The following PLEKHA2 variants were observed in gnomAD, a reference collection of about 807,000 sequenced individuals.
The protein encoded by PLEKHA2 is pleckstrin homology domain containing A2, also known as pleckstrin homology domain-containing family A member 2.
In PLEKHA2, 28 loss-of-function variants were observed where a neutral mutation model predicts 53.2. That is an observed-to-expected ratio of 0.53 (90% CI 0.39 to 0.72). The LOEUF is 0.72. Among genes scored for constraint, PLEKHA2 ranks in the 30% least tolerant of loss-of-function variants. The pLI, the probability that PLEKHA2 is intolerant of heterozygous loss-of-function variation, is 0.00. For missense variants in PLEKHA2, 426 were observed against 537.9 expected (o/e 0.79, Z 2.06); for synonymous variants, 193 against 196.4 (o/e 0.98, Z 0.14).
chr8:38,967,803 G>A (rs936008218), intron 10 of PLEKHA2, among the ~76,000 whole-genome samples: 2 of 151,580 alleles, frequency 1.3e-5, no homozygotes, highest in Admixed American at 6.6e-5. Flanking sequence ...CTGGGACTAC[G>A]GGCGCACGCC....
At chr8:38,924,464 A>T (rs1285277823) in intron 2 of PLEKHA2, among the ~76,000 whole-genome samples, 1 of 152,188 alleles carries the variant, frequency 6.6e-6, no homozygotes, top group Non-Finnish European at 1.5e-5. Context: ...GAGGCCAGAC[A>T]AGGGTGTGAA....
intron 1 of PLEKHA2, among the ~76,000 whole-genome samples, chr8:38,904,256 G>A (rs1231544695): frequency 3.9e-5 from 6 of 152,178 alleles, no homozygotes; most frequent in South Asian, 2.1e-4. Context: ...CATTAAAGCC[G>A]GAATTGGGCT....
intron 6 of PLEKHA2, 64 bp from the exon 7 acceptor site, chr8:38,952,102 G>A (rs1834854211): frequency 1.3e-6 from 2 of 1,550,356 alleles, no homozygotes; most frequent in Non-Finnish European, 1.8e-6. Flanking sequence ...GGCAGAGGGA[G>A]GTAGGTGGGG....
rs988932219 is a variant in PLEKHA2 at position 38,927,720 on chromosome 8, A to G, written c.142-8274A>G. 4.6e-5 allele frequency among the ~76,000 whole-genome samples: 7 copies of G among 152,290 alleles called. 1 individual carries two copies. The South Asian group carries it at 1.0e-3, about 23-fold the overall frequency. ...CCTGTCCTCATCCACAGTATATGGT[A>G]ATGATATCAATGATCTCCACCTGTG... On this transcript the variant is annotated intron_variant, in intron 2 of 11. Coordinates refer to ENST00000617275, the MANE Select transcript of PLEKHA2 (RefSeq NM_021623.2).
At chr8:38,951,062 C>A in intron 6 of PLEKHA2, 72 bp downstream of exon 6, 1 of 966,086 alleles carries the variant, frequency 1.0e-6, no homozygotes, top group Non-Finnish European at 1.4e-6. Context: ...ATGATGTGCT[C>A]GGAGCACTGT....
At chr8:38,934,300 A>G (rs897712988) in intron 2 of PLEKHA2, among the ~76,000 whole-genome samples, 1 of 152,102 alleles carries the variant, frequency 6.6e-6, no homozygotes, top group African/African-American at 2.4e-5. Flanking sequence ...TCCACCAGAG[A>G]CACTTCTTAA....
At chr8:38,953,734 G>A (rs1834887896) in intron 9 of PLEKHA2, among the ~76,000 whole-genome samples, 1 of 152,192 alleles carries the variant, frequency 6.6e-6, no homozygotes, top group South Asian at 2.1e-4. Context: ...ACGCCTCTAG[G>A]TCACTCACCT....
In PLEKHA2 at chr8:38,901,388, G is replaced by A. The variant is rs888328649; in HGVS notation, c.-81G>A. On this transcript the variant is annotated 5_prime_UTR_variant, in exon 1 of 12. Transcript: ENST00000617275. ...GAGCGCGGCGGACCCGGCGGCCGGA[G>A]GGGCGACCCCGCCCGATGTAACGCG... 5 of 151,806 alleles carry A rather than the reference G, an allele frequency of 3.3e-5. No individual in the cohort carries two copies. Among genetic ancestry groups the A allele is most frequent in the African/African-American group, 9.7e-5 (4 of 41,308 alleles). 9.4% of individuals were successfully genotyped at this position (151,806 alleles called of 1,614,324 possible). A position where few individuals can be genotyped will look rare whatever the true frequency, so the allele number is the denominator to read the frequency against.
intron 3 of PLEKHA2, among the ~76,000 whole-genome samples, chr8:38,943,047 A>G (rs1318555811): frequency 6.6e-6 from 1 of 152,158 alleles, no homozygotes; most frequent in Admixed American, 6.5e-5. Context: ...ATTGGAATCC[A>G]TGCATTTGTA....
At chr8:38,941,397 A>T (rs1370161843) in intron 3 of PLEKHA2, among the ~76,000 whole-genome samples, 1 of 152,232 alleles carries the variant, frequency 6.6e-6, no homozygotes, top group African/African-American at 2.4e-5. Flanking sequence ...TTAATGTTTC[A>T]TTGAAAAATT....
At chr8:38,952,810 G>A (rs1288847586) in intron 8 of PLEKHA2, 106 bp downstream of exon 8, 1 of 1,150,828 alleles carries the variant, frequency 8.7e-7, no homozygotes, top group African/African-American at 1.5e-5. Context: ...GGCACACAAA[G>A]ACTTCAAAGG....
chr8:38,948,472 T>C (rs1834758698), intron 5 of PLEKHA2, among the ~76,000 whole-genome samples: 1 of 152,192 alleles, frequency 6.6e-6, no homozygotes, highest in African/African-American at 2.4e-5. Context: ...CTGTAACTGC[T>C]GGTATCTCTC....
intron 2 of PLEKHA2, among the ~76,000 whole-genome samples, chr8:38,926,777 A>G (rs531081558): frequency 6.6e-6 from 1 of 152,348 alleles, no homozygotes; most frequent in African/African-American, 2.4e-5. Flanking sequence ...TAAAAGTACA[A>G]TAATTAGCAG....
intron 1 of PLEKHA2, among the ~76,000 whole-genome samples, chr8:38,904,614 A>C (rs1833842862): frequency 6.6e-6 from 1 of 152,230 alleles, no homozygotes; most frequent in African/African-American, 2.4e-5. Context: ...AGGAGTCAGC[A>C]CATTGCCTGG....
At chr8:38,950,779 A>G (rs1588267905) in intron 5 of PLEKHA2, 71 bp from the exon 6 acceptor site, 5 of 1,548,890 alleles carry the variant, frequency 3.2e-6, no homozygotes, top group South Asian at 1.2e-5. Flanking sequence ...CGGCAGCCCC[A>G]TTCTGTTTTG....
chr8:38,950,476 A>G (rs761991638), intron 5 of PLEKHA2: 5 of 169,488 alleles, frequency 3.0e-5, no homozygotes, highest in Non-Finnish European at 6.3e-5. Flanking sequence ...GCCACTCACC[A>G]CCATTTGTAA....
chr8:38,913,583 G>A lies in PLEKHA2; in HGVS notation c.-23-4324G>A, dbSNP rs553892415. Among the ~76,000 whole-genome samples, 77 of 152,216 alleles carry A rather than the reference G, an allele frequency of 5.1e-4. 1 individual carries two copies. The highest frequency in any genetic ancestry group is 9.6e-4 in the Non-Finnish European group (65 of 68,010). On this transcript the variant is annotated intron_variant, in intron 1 of 11. Coordinates refer to ENST00000617275, the MANE Select transcript of PLEKHA2 (RefSeq NM_021623.2). ...CTGCAAATCTGTCTGTGACTGGTTG[G>A]GCATCAAGGGAGTTTGCCTGGTTTT...
At chr8:38,952,418 C>T in intron 7 of PLEKHA2, 106 bp downstream of exon 7, 1 of 1,471,174 alleles carries the variant, frequency 6.8e-7, no homozygotes, top group Non-Finnish European at 9.2e-7. Context: ...TGCCTCAGTC[C>T]TCCATGGAGC....
chr8:38,964,064 C>T (rs1277144541), intron 10 of PLEKHA2, among the ~76,000 whole-genome samples: 5 of 152,056 alleles, frequency 3.3e-5, no homozygotes, highest in African/African-American at 9.7e-5. Context: ...ATATTATTGG[C>T]CAGAAATCTC....
Sources: allele counts gnomAD v4.1 joint callset (sites outside exome capture counted in the v4.1 genomes callset), GRCh38; gene constraint gnomAD v4.1.1; transcripts MANE v1.5; gene names NCBI Gene and HGNC (gene_info 2026-07-23, HGNC 2026-07-21).